GPAM: variants seen among roughly 807,000 people sequenced by gnomAD.
GPAM encodes the protein glycerol-3-phosphate acyltransferase, mitochondrial.
Under a neutral mutation model 105.0 loss-of-function variants are expected in GPAM, and 56 were observed. The observed-to-expected ratio is 0.53, with a 90% CI of 0.43 to 0.67. The LOEUF is 0.67. Ranked by LOEUF, GPAM falls within the 30% of genes least tolerant of loss-of-function variation. The pLI, the probability that GPAM is intolerant of heterozygous loss-of-function variation, is 0.00. For synonymous variants in GPAM, 368 were observed against 354.4 expected, an observed-to-expected ratio of 1.04 and a Z score of -0.43; for missense variants, 855 against 989.8, an observed-to-expected ratio of 0.86 and a Z score of 1.83.
intron 1 of GPAM, among the ~76,000 whole-genome samples, chr10:112,201,903 C>A (rs1380340609): frequency 6.6e-6 from 1 of 152,170 alleles, no homozygotes; most frequent in Non-Finnish European, 1.5e-5. Flanking sequence ...GCATAGCTAC[C>A]ATTTATTGAG....
At chr10:112,206,835 A>T (rs1336145544) in intron 1 of GPAM, among the ~76,000 whole-genome samples, 4 of 147,020 alleles carry the variant, frequency 2.7e-5, no homozygotes, top group Non-Finnish European at 3.0e-5. Flanking sequence ...AAAAAATTTA[A>T]AAAAAAAAAA....
At chr10:112,192,133 T>C (rs1847667517) in intron 1 of GPAM, among the ~76,000 whole-genome samples, 1 of 152,140 alleles carries the variant, frequency 6.6e-6, no homozygotes, top group South Asian at 2.1e-4. Flanking sequence ...AAATTATCAC[T>C]ATTGGCCTTC....
intron 17 of GPAM, among the ~76,000 whole-genome samples, chr10:112,158,894 A>AG (rs1847068090): frequency 6.6e-6 from 1 of 152,132 alleles, no homozygotes; most frequent in Admixed American, 6.5e-5. Flanking sequence ...CCACCACCCA[A>AG]GGTTCATGCA....
At chr10:112,222,028 T>C in the GPAM span, among the ~76,000 whole-genome samples, 1 of 152,226 alleles carries the variant, frequency 6.6e-6, no homozygotes, top group Non-Finnish European at 1.5e-5. Context: ...AATGATATGA[T>C]GTCTGGGGAT....
At chr10:112,165,148 G>A (rs1847191207) in intron 12 of GPAM, among the ~76,000 whole-genome samples, 1 of 152,200 alleles carries the variant, frequency 6.6e-6, no homozygotes, top group African/African-American at 2.4e-5. Flanking sequence ...ATCTCTTAAA[G>A]TTAAGCCAGG....
chr10:112,183,395 C>T (rs1847543529), intron 1 of GPAM, among the ~76,000 whole-genome samples: 1 of 152,252 alleles, frequency 6.6e-6, no homozygotes. Flanking sequence ...CCCAGGCGGG[C>T]TGGCTGGCGG....
chr10:112,152,601 C>T lies in GPAM; in HGVS notation c.*949G>A. The T allele has an allele frequency of 1.0e-6, 1 of 985,414 alleles. No homozygotes were observed. Among genetic ancestry groups the T allele is most frequent in the Non-Finnish European group, 1.2e-6 (1 of 829,920 alleles). The allele number at this position is 985,414 out of a possible 1,614,324, so 61.0% of individuals were successfully genotyped here. A position where few individuals can be genotyped will look rare whatever the true frequency, so the allele number is the denominator to read the frequency against. On this transcript the variant is annotated 3_prime_UTR_variant, in exon 22 of 22. Coordinates refer to ENST00000348367, the MANE Select transcript of GPAM (RefSeq NM_001244949.2). Reference sequence around the variant, plus strand: ...GCCCTCATCAGCTGTGGCCAGAGAACTGTATTCTAACAGTCTGTCAGCTCA... The same window carrying T: ...GCCCTCATCAGCTGTGGCCAGAGAATTGTATTCTAACAGTCTGTCAGCTCA...
At chr10:112,211,433 A>G (rs1189745411) in intron 1 of GPAM, among the ~76,000 whole-genome samples, 1 of 152,182 alleles carries the variant, frequency 6.6e-6, no homozygotes, top group Non-Finnish European at 1.5e-5. Context: ...GTGCAGGTCC[A>G]TGGCCAGGGC....
At chr10:112,157,041 T>C (rs1180163557) in intron 19 of GPAM, 13 of 623,378 alleles carry the variant, frequency 2.1e-5, no homozygotes, top group Non-Finnish European at 2.0e-5. Flanking sequence ...TTCATCTTCC[T>C]GACTTTTCAG....
upstream of GPAM, among the ~76,000 whole-genome samples, chr10:112,188,755 T>C (rs1310400066): frequency 6.6e-6 from 1 of 152,230 alleles, no homozygotes; most frequent in Non-Finnish European, 1.5e-5. Context: ...CCAGTATACC[T>C]GCTACATTTT....
At chr10:112,202,013 T>G (rs1023141162) in intron 1 of GPAM, among the ~76,000 whole-genome samples, 1 of 152,082 alleles carries the variant, frequency 6.6e-6, no homozygotes, top group African/African-American at 2.4e-5. Context: ...ACAGGTTAGG[T>G]TTTGCAGAGA....
intron 21 of GPAM, 142 bp downstream of exon 21, chr10:112,154,487 T>C: frequency 1.4e-6 from 1 of 694,532 alleles, no homozygotes; most frequent in East Asian, 2.7e-5. Flanking sequence ...ACATGCCCCG[T>C]TCCCAAAAAT....
In GPAM at chr10:112,160,829, T is replaced by C; in HGVS notation, c.1534A>G (p.Met512Val). Residue 512 changes from methionine (M) to valine (V), a missense_variant, in exon 16 of 22, where the codon ATG becomes GTG. Transcript: ENST00000348367. ...TCACGAGCCAGGACTTCCTCTTTCA[T>C]CACAAAGAAGTCTTCGACCAATGTG... Reference protein sequence around the residue: ...LSTLVEDFFVMKEEVLARDFD... With the variant: ...LSTLVEDFFVVKEEVLARDFD... 6.2e-7 allele frequency: 1 copy of C among 1,613,740 alleles called. No homozygotes were observed.
At chr10:112,161,069 T>C (rs1847115236) in intron 15 of GPAM, among the ~76,000 whole-genome samples, 1 of 152,170 alleles carries the variant, frequency 6.6e-6, no homozygotes, top group Non-Finnish European at 1.5e-5. Context: ...TGTCAAGGTA[T>C]TACACATGCT....
intron 1 of GPAM, among the ~76,000 whole-genome samples, chr10:112,190,425 A>G (rs1209175995): frequency 1.3e-5 from 2 of 151,982 alleles, no homozygotes; most frequent in Admixed American, 6.6e-5. Flanking sequence ...GAATCACTTG[A>G]ACCCAGGAGC....
At chr10:112,161,579 G>C (rs1847123837) in intron 15 of GPAM, 88 bp downstream of exon 15, 7 of 1,062,572 alleles carry the variant, frequency 6.6e-6, no homozygotes, top group Non-Finnish European at 8.7e-6. Flanking sequence ...CCATGAGTGG[G>C]CCAAATCTGC....
At chr10:112,189,179 T>C (rs913169427) in intron 1 of GPAM, among the ~76,000 whole-genome samples, 16 of 152,248 alleles carry the variant, frequency 1.1e-4, no homozygotes, top group Admixed American at 5.2e-4. Context: ...CAAGAACTTT[T>C]AAAGGAAGTA....
intron 1 of GPAM, among the ~76,000 whole-genome samples, chr10:112,203,425 A>G (rs1464137457): frequency 6.7e-6 from 1 of 149,854 alleles, no homozygotes; most frequent in Non-Finnish European, 1.5e-5. Flanking sequence ...CCAGCATCTG[A>G]AGGGGACTCT....
At chr10:112,178,518 C>G (rs888695311) in intron 4 of GPAM, among the ~76,000 whole-genome samples, 5 of 152,160 alleles carry the variant, frequency 3.3e-5, no homozygotes, top group Admixed American at 2.0e-4. Flanking sequence ...CCATTGTACT[C>G]CAGCCTGGGC....
Sources: allele counts gnomAD v4.1 joint callset (sites outside exome capture counted in the v4.1 genomes callset), GRCh38; gene constraint gnomAD v4.1.1; transcripts MANE v1.5; gene names NCBI Gene and HGNC (gene_info 2026-07-23, HGNC 2026-07-21).